CAMTA1: variants seen among roughly 807,000 people sequenced by gnomAD.
CAMTA1 encodes calmodulin binding transcription activator 1.
A neutral mutation model predicts 170.9 loss-of-function variants in CAMTA1; 27 were observed. That is an observed-to-expected ratio of 0.16 (90% CI 0.12 to 0.22). The LOEUF (loss-of-function observed/expected upper bound fraction) is 0.22, where lower values mean the gene tolerates loss of function less well. Ranked by LOEUF, CAMTA1 falls within the 10% of genes least tolerant of loss-of-function variation. The probability of loss-of-function intolerance (pLI) is 1.00; values close to 1 mark genes in which losing one functional copy is unlikely to be tolerated. For synonymous variants in CAMTA1, 833 were observed against 891.5 expected, an observed-to-expected ratio of 0.93 and a Z score of 1.17; for missense variants, 1,619 against 2,217.2, an observed-to-expected ratio of 0.73 and a Z score of 5.42.
intron 4 of CAMTA1, among the ~76,000 whole-genome samples, chr1:7,242,771 A>AAAATAAAT (rs199861423): frequency 0.023 from 3,393 of 145,486 alleles, 105 homozygotes; most frequent in East Asian, 0.12. Context: ...TACTGAAAAT[A>AAAATAAAT]AAATAAATAA....
intron 3 of CAMTA1, among the ~76,000 whole-genome samples, chr1:6,840,848 A>G (rs545195204): frequency 6.6e-6 from 1 of 152,262 alleles, no homozygotes; most frequent in African/African-American, 2.4e-5. Flanking sequence ...AAGCCAGGAG[A>G]AGGACATGTT....
chr1:7,701,867 T>C (rs2096443997), intron 11 of CAMTA1, among the ~76,000 whole-genome samples: 1 of 152,190 alleles, frequency 6.6e-6, no homozygotes, highest in Non-Finnish European at 1.5e-5. Flanking sequence ...GCTTGAATCA[T>C]GCGCGTGCCT....
intron 6 of CAMTA1, among the ~76,000 whole-genome samples, chr1:7,607,146 T>A (rs1430217653): frequency 6.6e-6 from 1 of 150,908 alleles, no homozygotes; most frequent in Non-Finnish European, 1.5e-5. Flanking sequence ...GATGGATGGA[T>A]GGATGGATGG....
At chr1:7,760,503 G>A (rs1377096128) in intron 22 of CAMTA1, among the ~76,000 whole-genome samples, 1 of 152,188 alleles carries the variant, frequency 6.6e-6, no homozygotes, top group Non-Finnish European at 1.5e-5. Context: ...TTTCTAAGTG[G>A]CCCGATGTGT....
chr1:7,245,491 A>G (rs1363207000), intron 4 of CAMTA1, among the ~76,000 whole-genome samples: 1 of 152,006 alleles, frequency 6.6e-6, no homozygotes, highest in Non-Finnish European at 1.5e-5. Context: ...TGGCTAGATA[A>G]TTAAAATATA....
chr1:7,665,012 C>T lies in CAMTA1; in HGVS notation c.2465C>T (p.Pro822Leu). The change falls in exon 9 of 23, where the codon CCC becomes CTC. Residue 822 changes from proline (P) to leucine (L), a missense_variant. Pro to Leu is a moderately conservative substitution (Grantham distance 98, BLOSUM62 -3). Transcript: ENST00000303635. This position sits in a 1 kb window ranked among gnomAD's most constrained non-coding sequence, Gnocchi z 4.3. ...TTCACCCAGGCAGAGATGTGCCTCC[C>T]CTGCTGTAGCCCCCAGCAGGGTAGC... The part of the protein sequence containing the change: ...APFTQAEMCL[P>L]CCSPQQGSLQ... The T allele has an allele frequency of 6.3e-7, 1 of 1,597,594 alleles. No individual in the cohort carries two copies. Among genetic ancestry groups the T allele is most frequent in the Non-Finnish European group, 8.5e-7 (1 of 1,171,400 alleles).
chr1:7,296,210 T>C (rs749510104), intron 5 of CAMTA1, among the ~76,000 whole-genome samples: 1 of 152,218 alleles, frequency 6.6e-6, no homozygotes, highest in Non-Finnish European at 1.5e-5. Flanking sequence ...AGTCACCATC[T>C]TCCCAGTAAA....
In CAMTA1 at chr1:7,233,811, G is replaced by A. The variant is rs1022123848; in HGVS notation, c.303-15680G>A. On this transcript the variant is annotated intron_variant, in intron 4 of 22. Coordinates refer to ENST00000303635, the MANE Select transcript of CAMTA1 (RefSeq NM_015215.4). ...CTTTGTCTGGAAGGCGCCTCTCCCC[G>A]TTCTTTTTGGCTGACTTTTACTCTC... 3.7e-4 allele frequency among the ~76,000 whole-genome samples: 56 copies of A among 152,068 alleles called. 1 individual carries two copies. The highest frequency in any genetic ancestry group is 3.4e-4 in the African/African-American group (14 of 41,406).
intron 5 of CAMTA1, among the ~76,000 whole-genome samples, chr1:7,450,695 GTTTC>G: frequency 6.6e-6 from 1 of 152,234 alleles, no homozygotes; most frequent in East Asian, 1.9e-4. Context: ...CAGAAAACCT[GTTTC>G]TTTCCCATTT....
chr1:7,450,346 G>A (rs1400516451), intron 5 of CAMTA1, among the ~76,000 whole-genome samples: 1 of 152,184 alleles, frequency 6.6e-6, no homozygotes, highest in Non-Finnish European at 1.5e-5. Context: ...AGACAACCTG[G>A]GGAGACTTCC....
intron 5 of CAMTA1, among the ~76,000 whole-genome samples, chr1:7,287,753 G>T (rs1480337996): frequency 6.6e-6 from 1 of 152,190 alleles, no homozygotes; most frequent in African/African-American, 2.4e-5. Context: ...GCATCAGAGT[G>T]GTTCCCCTCC....
chr1:6,891,083 C>G (rs1469625454), intron 3 of CAMTA1, among the ~76,000 whole-genome samples: 2 of 152,178 alleles, frequency 1.3e-5, no homozygotes, highest in African/African-American at 2.4e-5. Flanking sequence ...ACACATTGAC[C>G]TATGCAGACT....
intron 3 of CAMTA1, among the ~76,000 whole-genome samples, chr1:6,988,513 A>G (rs1399798614): frequency 1.3e-5 from 2 of 152,190 alleles, no homozygotes; most frequent in Admixed American, 6.5e-5. Context: ...TTAATGAACT[A>G]CAAGTCCCTG....
chr1:7,484,547 T>G (rs2093590190), intron 6 of CAMTA1, among the ~76,000 whole-genome samples: 1 of 152,158 alleles, frequency 6.6e-6, no homozygotes, highest in African/African-American at 2.4e-5. Flanking sequence ...CCCAGCACTT[T>G]GGGAGGCCAA....
rs1399447263 is a variant in CAMTA1 at position 7,680,519 on chromosome 1, G to A, written c.2914+2786G>A. ...TGCGGGGCCCTTCGCGGAACTGCTG[G>A]CGGCGCCGCGCCCCGCGGGGTCTGG... is the stretch of plus-strand genomic sequence containing the variant. On this transcript the variant is annotated intron_variant, in intron 11 of 22. Coordinates refer to ENST00000303635, the MANE Select transcript of CAMTA1 (RefSeq NM_015215.4). This position sits in a 1 kb window ranked among gnomAD's most constrained non-coding sequence, Gnocchi z 4.4. 2.0e-5 allele frequency among the ~76,000 whole-genome samples: 3 copies of A among 151,674 alleles called. No individual in the cohort carries two copies. Among genetic ancestry groups the A allele is most frequent in the African/African-American group, 7.3e-5 (3 of 41,354 alleles).
chr1:7,075,788 G>A (rs373835194), intron 3 of CAMTA1, among the ~76,000 whole-genome samples: 4 of 151,770 alleles, frequency 2.6e-5, no homozygotes, highest in East Asian at 1.9e-4. Context: ...TCAGCCTTCC[G>A]AGTAGTTGGG....
chr1:7,487,116 C>T (rs1446352516), intron 6 of CAMTA1, among the ~76,000 whole-genome samples: 1 of 152,218 alleles, frequency 6.6e-6, no homozygotes, highest in African/African-American at 2.4e-5. Context: ...ATAGGAGGGG[C>T]TCCTTTCTGA....
chr1:7,577,140 G>A (rs1369411424), intron 6 of CAMTA1, among the ~76,000 whole-genome samples: 1 of 152,172 alleles, frequency 6.6e-6, no homozygotes, highest in African/African-American at 2.4e-5. Flanking sequence ...AGCCAGCATC[G>A]TCCTCCCCCG....
chr1:7,449,769 C>CAAAAAAAAAAAAAAAA (rs59913060), intron 5 of CAMTA1, among the ~76,000 whole-genome samples: 1 of 79,608 alleles, frequency 1.3e-5, no homozygotes, highest in Non-Finnish European at 2.5e-5. Flanking sequence ...GACTCGGTCT[C>CAAAAAAAAAAAAAAAA]AAAAAAAAAA....
Sources: allele counts gnomAD v4.1 joint callset (sites outside exome capture counted in the v4.1 genomes callset), GRCh38; gene constraint gnomAD v4.1.1; non-coding constraint Gnocchi (gnomAD v3.1); transcripts MANE v1.5; gene names NCBI Gene and HGNC (gene_info 2026-07-23, HGNC 2026-07-21).